NALF1: variants seen among roughly 807,000 people sequenced by gnomAD.
NALF1 encodes family with sequence similarity 155 member A.
In NALF1, 3 loss-of-function variants were observed where a neutral mutation model predicts 48.4. The observed-to-expected ratio is 0.06, with a 90% CI of 0.03 to 0.16. NALF1 has a LOEUF of 0.16. Ranked by LOEUF, NALF1 falls within the 10% of genes least tolerant of loss-of-function variation. NALF1 has a pLI of 1.00. For missense variants in NALF1, 526 were observed against 571.5 expected (o/e 0.92, Z 0.81); for synonymous variants, 262 against 245.7 (o/e 1.07, Z -0.62).
chr13:107,276,172 T>C (rs1881276728), intron 1 of NALF1, among the ~76,000 whole-genome samples: 3 of 152,060 alleles, frequency 2.0e-5, no homozygotes, highest in Non-Finnish European at 4.4e-5. Flanking sequence ...CCACACTCAG[T>C]GGGAAGAGAT....
chr13:107,723,413 T>C (rs1205203839), intron 1 of NALF1, among the ~76,000 whole-genome samples: 1 of 151,898 alleles, frequency 6.6e-6, no homozygotes, highest in Non-Finnish European at 1.5e-5. Flanking sequence ...CATAGTCTTA[T>C]CACCCAATTC....
intron 1 of NALF1, among the ~76,000 whole-genome samples, chr13:107,744,923 T>C (rs1225489791): frequency 6.6e-6 from 1 of 152,246 alleles, no homozygotes; most frequent in East Asian, 1.9e-4. Context: ...CATCTCACCG[T>C]GACTGTCACA....
At chr13:107,295,368 A>G (rs1411929844) in intron 1 of NALF1, among the ~76,000 whole-genome samples, 1 of 152,120 alleles carries the variant, frequency 6.6e-6, no homozygotes. Context: ...CATATAATAC[A>G]TTTGCTTTAT....
chr13:107,392,719 T>G (rs1392246074), intron 1 of NALF1, among the ~76,000 whole-genome samples: 2 of 152,054 alleles, frequency 1.3e-5, no homozygotes. Context: ...GTGTGTAATC[T>G]CAAGTAATAC....
intron 1 of NALF1, among the ~76,000 whole-genome samples, chr13:107,275,818 C>T (rs749653532): frequency 1.6e-4 from 24 of 152,274 alleles, no homozygotes; most frequent in Middle Eastern, 3.4e-3. Flanking sequence ...ACCTTGACCA[C>T]CTTACTTATG....
intron 1 of NALF1, among the ~76,000 whole-genome samples, chr13:107,254,487 T>C (rs1396544649): frequency 6.6e-6 from 1 of 152,142 alleles, no homozygotes; most frequent in African/African-American, 2.4e-5. Flanking sequence ...TAGTGAATGT[T>C]TCCGACACCA....
intron 1 of NALF1, among the ~76,000 whole-genome samples, chr13:107,389,507 G>A (rs996590832): frequency 3.3e-5 from 5 of 152,152 alleles, no homozygotes; most frequent in Admixed American, 6.5e-5. Flanking sequence ...CTCAGGAATC[G>A]ATTCTGCCAG....
intron 2 of NALF1, among the ~76,000 whole-genome samples, chr13:107,194,097 T>G (rs1409961128): frequency 6.6e-6 from 1 of 152,178 alleles, no homozygotes; most frequent in African/African-American, 2.4e-5. Context: ...TATACCTTGA[T>G]GTTTATCTCT....
intron 1 of NALF1, among the ~76,000 whole-genome samples, chr13:107,304,940 G>C (rs9514652): frequency 0.26 from 38,923 of 151,914 alleles, 5,319 homozygotes; most frequent in Non-Finnish European, 0.28. Flanking sequence ...GGTCTTATTG[G>C]AGTCTTTTTC....
intron 1 of NALF1, among the ~76,000 whole-genome samples, chr13:107,555,668 T>TA (rs1477548082): frequency 6.6e-6 from 1 of 151,978 alleles, no homozygotes; most frequent in African/African-American, 2.4e-5. Context: ...TCACTTTGGG[T>TA]AACAATCATT....
intron 1 of NALF1, among the ~76,000 whole-genome samples, chr13:107,707,080 G>A (rs1007895171): frequency 8.5e-4 from 129 of 151,200 alleles, no homozygotes; most frequent in Admixed American, 2.8e-3. Context: ...CCGCCACTAC[G>A]CCCGGCTAAT....
At chr13:107,716,448 C>G (rs1037056506) in intron 1 of NALF1, among the ~76,000 whole-genome samples, 2 of 152,202 alleles carry the variant, frequency 1.3e-5, no homozygotes, top group Non-Finnish European at 2.9e-5. Context: ...AGCTTTCCCT[C>G]CCAATCTCAT....
At chr13:107,209,265 G>A (rs1205068086) in intron 2 of NALF1, among the ~76,000 whole-genome samples, 1 of 152,174 alleles carries the variant, frequency 6.6e-6, no homozygotes, top group African/African-American at 2.4e-5. Context: ...CAACACTTTT[G>A]GGAGGCCAAG....
At chr13:107,369,105 C>T (rs1883203686) in intron 1 of NALF1, among the ~76,000 whole-genome samples, 1 of 152,188 alleles carries the variant, frequency 6.6e-6, no homozygotes, top group Admixed American at 6.5e-5. Flanking sequence ...GAAAGTAGAG[C>T]ACTTTTCTTC....
chr13:107,215,473 TCTAGCAAA>T (rs1482493451), intron 1 of NALF1, among the ~76,000 whole-genome samples: 2 of 151,868 alleles, frequency 1.3e-5, no homozygotes. Context: ...AGAGAGCTCA[TCTAGCAAA>T]CTCATTTTCA....
At chr13:107,708,400 G>C (rs529159278) in intron 1 of NALF1, among the ~76,000 whole-genome samples, 1 of 152,284 alleles carries the variant, frequency 6.6e-6, no homozygotes, top group African/African-American at 2.4e-5. Flanking sequence ...GTTAGGTATA[G>C]CAGGTGCCAC....
At chr13:107,211,649 T>C (rs1319008664) in intron 1 of NALF1, among the ~76,000 whole-genome samples, 2 of 152,194 alleles carry the variant, frequency 1.3e-5, no homozygotes, top group African/African-American at 2.4e-5. Context: ...TTACTGAAAT[T>C]CAGTTATTCT....
At chr13:107,672,733 T>C (rs1479656725) in intron 1 of NALF1, among the ~76,000 whole-genome samples, 1 of 152,190 alleles carries the variant, frequency 6.6e-6, no homozygotes, top group Non-Finnish European at 1.5e-5. Flanking sequence ...ATACTTTGAC[T>C]CCTTCACAAA....
intron 1 of NALF1, among the ~76,000 whole-genome samples, chr13:107,764,462 G>A (rs745312671): frequency 5.2e-4 from 79 of 152,158 alleles, no homozygotes; most frequent in Non-Finnish European, 9.1e-4. Context: ...TACGTATGTA[G>A]ACAGAGAGAG....
Sources: gnomAD v4.1 joint callset for allele counts (sites outside exome capture counted in the v4.1 genomes callset) on GRCh38, gnomAD v4.1.1 for gene constraint, MANE v1.5 for transcripts, NCBI Gene and HGNC (gene_info 2026-07-23, HGNC 2026-07-21) for gene names.